Variants in C4orf50 observed in about 807,000 individuals in gnomAD.
C4orf50 encodes uncharacterized protein C4orf50.
In C4orf50, 80 loss-of-function variants were observed where a neutral mutation model predicts 77.2. The ratio of observed to expected loss-of-function variants is 1.04; its 90% confidence interval spans 0.87 to 1.25. C4orf50 has a LOEUF of 1.25. C4orf50 is among the 50% of genes most tolerant of loss of function. The probability of loss-of-function intolerance (pLI) is 0.00; values close to 1 mark genes in which losing one functional copy is unlikely to be tolerated. For synonymous variants in C4orf50, 532 were observed against 465.3 expected (o/e 1.14, Z -1.84); for missense variants, 1,257 against 1,152.9 (o/e 1.09, Z -1.31).
chr4:5,991,457 G>A (rs543130970), intron 27 of C4orf50, among the ~76,000 whole-genome samples: 1 of 152,312 alleles, frequency 6.6e-6, no homozygotes, highest in South Asian at 2.1e-4. Context: ...CCTGGGCCTA[G>A]AACAGTGCTG....
At chr4:5,980,079 T>G in intron 29 of C4orf50, 95 bp downstream of exon 7, 1 of 1,047,690 alleles carries the variant, frequency 9.5e-7, no homozygotes, top group Non-Finnish European at 1.4e-6. Flanking sequence ...ACTGGCTGGG[T>G]CAAGAAGACC....
intron 25 of C4orf50, among the ~76,000 whole-genome samples, chr4:6,006,094 GAAGAACA>G (rs1245507381): frequency 2.0e-5 from 3 of 152,134 alleles, no homozygotes; most frequent in Non-Finnish European, 4.4e-5. Context: ...ACATAAGGAG[GAAGAACA>G]AACAGGAAAT....
At chr4:5,994,227 T>C (rs1027038210) in intron 26 of C4orf50, 120 bp downstream of exon 4, 34 of 396,554 alleles carry the variant, frequency 8.6e-5, no homozygotes, top group Middle Eastern at 6.3e-4. Flanking sequence ...TTCTTGTCTG[T>C]AGGGAGGGGG....
At chr4:5,967,447 C>T in exon 32 of C4orf50, 1 of 1,614,040 alleles carries the variant, frequency 6.2e-7, no homozygotes, top group Non-Finnish European at 8.5e-7. Context: ...GACTTGACGT[C>T]CAGGTGGTGG....
chr4:5,976,824 A>G (rs909236913), intron 29 of C4orf50, among the ~76,000 whole-genome samples: 9 of 152,216 alleles, frequency 5.9e-5, no homozygotes, highest in Admixed American at 5.2e-4. Flanking sequence ...CGCAGATGAA[A>G]GCTGGACACA....
chr4:5,990,339 G>T, exon 28 of C4orf50: 1 of 720,842 alleles, frequency 1.4e-6, no homozygotes, highest in Non-Finnish European at 1.9e-6. Context: ...TCCCCTTCCT[G>T]CCCAAAGTCC....
chr4:5,980,122 C>A, intron 29 of C4orf50, 52 bp downstream of exon 7: 12 of 1,495,026 alleles, frequency 8.0e-6, no homozygotes, highest in Non-Finnish European at 1.1e-5. Flanking sequence ...CAAAACGCCC[C>A]GGGGTGTGGG....
At chr4:5,977,138 C>G (rs1361648559) in intron 29 of C4orf50, among the ~76,000 whole-genome samples, 14 of 152,182 alleles carry the variant, frequency 9.2e-5, no homozygotes, top group Non-Finnish European at 1.5e-5. Context: ...CGCCGGGGAC[C>G]CCCCAGCCGA....
intron 32 of C4orf50, 62 bp downstream of exon 10, chr4:5,967,352 G>T: frequency 2.2e-6 from 3 of 1,366,086 alleles, no homozygotes; most frequent in Middle Eastern, 1.8e-4. Context: ...CTCTCACAGC[G>T]TCCTGCCGGC....
Position 5,919,634 on chromosome 4 carries a change from G to C in C4orf50, c.*2475-21446C>G, listed in dbSNP as rs565109438. Among the ~76,000 whole-genome samples, 36 of 152,268 alleles carry C rather than the reference G, an allele frequency of 2.4e-4. 2 individuals are homozygous for C. The South Asian group carries it at 3.9e-3, about 17-fold the overall frequency. ...CCCTGACCCCAAGGCATTAACCCCA[G>C]GTCAGCAAACGCCACACTGAGACAC... On this transcript the variant is annotated intron_variant, in intron 7 of 7. Coordinates refer to the C4orf50 transcript ENST00000324058. This position sits in a 1 kb window ranked among gnomAD's most constrained non-coding sequence, Gnocchi z 6.5.
At chr4:5,923,854 G>T (rs769440933) in intron 7 of C4orf50, among the ~76,000 whole-genome samples, 52 of 152,216 alleles carry the variant, frequency 3.4e-4, no homozygotes, top group Non-Finnish European at 8.8e-5. Flanking sequence ...AGTGGGCTGG[G>T]AGAGGCAGAC....
intron 25 of C4orf50, among the ~76,000 whole-genome samples, chr4:6,005,434 G>A (rs938061391): frequency 1.3e-5 from 2 of 152,024 alleles, no homozygotes; most frequent in African/African-American, 4.8e-5. Flanking sequence ...ACATTGACAA[G>A]GAGCCAGGGA....
rs890302749 is a variant in C4orf50, at chr4:6,008,940, C to T, written c.427-408G>A. On this transcript the variant is annotated intron_variant, in intron 24 of 33. Coordinates refer to ENST00000531445, the Ensembl canonical transcript of C4orf50. This position sits in a 1 kb window ranked among gnomAD's most constrained non-coding sequence, Gnocchi z 6.0. ...TCCCCACTTCCACCACAGAACTGCC[C>T]AGAGATCCCCACTTCCTACCTACAG... Among the ~76,000 whole-genome samples the T allele has an allele frequency of 6.6e-6, 1 of 152,176 alleles. No homozygotes were observed. The highest frequency in any genetic ancestry group is 2.4e-5 in the African/African-American group (1 of 41,438).
intron 27 of C4orf50, among the ~76,000 whole-genome samples, 165 bp from the exon 6 acceptor site, chr4:5,990,989 C>T (rs373286433): frequency 2.0e-5 from 3 of 152,206 alleles, no homozygotes; most frequent in Non-Finnish European, 4.4e-5. Context: ...GGCCTTTGCA[C>T]GTGCTCTTCG....
intron 32 of C4orf50, among the ~76,000 whole-genome samples, chr4:5,966,439 C>T (rs1202498459): frequency 6.6e-6 from 1 of 151,760 alleles, no homozygotes; most frequent in Admixed American, 6.6e-5. Context: ...CACACCTTTG[C>T]ACTCCAGCGT....
intron 29 of C4orf50, among the ~76,000 whole-genome samples, chr4:5,976,457 G>GAA (rs138450804): frequency 1.6e-3 from 149 of 93,070 alleles, no homozygotes; most frequent in African/African-American, 3.7e-3. Flanking sequence ...CTCTGTCTCG[G>GAA]AAAAAAAAAA....
At chr4:5,963,124 G>A (rs1057338290) in intron 33 of C4orf50, among the ~76,000 whole-genome samples, 21 of 150,436 alleles carry the variant, frequency 1.4e-4, no homozygotes, top group Admixed American at 8.0e-4. Context: ...TCAGCCTCCC[G>A]AGTAGCTGAG....
chr4:5,940,592 C>T (rs1392649105), intron 7 of C4orf50, among the ~76,000 whole-genome samples: 1 of 152,218 alleles, frequency 6.6e-6, no homozygotes, highest in Non-Finnish European at 1.5e-5. Flanking sequence ...CAGTGAAGGA[C>T]TGTTTGCAAA....
intron 7 of C4orf50, among the ~76,000 whole-genome samples, chr4:5,927,753 T>C (rs777023606): frequency 1.3e-5 from 2 of 152,154 alleles, no homozygotes; most frequent in Non-Finnish European, 2.9e-5. Flanking sequence ...TATGAGTCAA[T>C]TAAACCTCTT....
Sources: allele counts gnomAD v4.1 joint callset (sites outside exome capture counted in the v4.1 genomes callset), GRCh38; gene constraint gnomAD v4.1.1; non-coding constraint Gnocchi (gnomAD v3.1); transcripts MANE v1.5; gene names NCBI Gene and HGNC (gene_info 2026-07-23, HGNC 2026-07-21).